Variants in ARHGAP44 observed in about 807,000 individuals in gnomAD.
ARHGAP44 encodes the protein Rho GTPase activating protein 44.
ARHGAP44 carries 43 observed loss-of-function variants against 106.8 expected under a neutral mutation model. The ratio of observed to expected loss-of-function variants is 0.40; its 90% CI spans 0.32 to 0.52. ARHGAP44 has a LOEUF of 0.52. Among genes scored for constraint, ARHGAP44 ranks in the 20% least tolerant of loss-of-function variants. ARHGAP44 has a pLI of 0.48. For missense variants in ARHGAP44, 866 were observed against 1,050.5 expected (o/e 0.82, Z 2.43); for synonymous variants, 439 against 410.3 (o/e 1.07, Z -0.85).
intron 1 of ARHGAP44, among the ~76,000 whole-genome samples, chr17:12,873,314 G>A (rs994348040): frequency 1.2e-4 from 19 of 152,162 alleles, no homozygotes; most frequent in African/African-American, 4.1e-4. Flanking sequence ...CAGCCTTCAA[G>A]GCTTGCCTAT....
At chr17:12,851,781 C>T (rs1037900922) in intron 1 of ARHGAP44, among the ~76,000 whole-genome samples, 1 of 152,094 alleles carries the variant, frequency 6.6e-6, no homozygotes, top group Non-Finnish European at 1.5e-5. Flanking sequence ...TGTCTCCACT[C>T]CCCTAACTGA....
intron 20 of ARHGAP44, chr17:12,988,830 A>G (rs2040022234): frequency 6.6e-6 from 1 of 151,396 alleles, no homozygotes; most frequent in Non-Finnish European, 1.5e-5. Flanking sequence ...TGTAATCCCA[A>G]AACTTTGGGA....
intron 1 of ARHGAP44, among the ~76,000 whole-genome samples, chr17:12,844,783 T>C (rs1049454698): frequency 8.5e-5 from 13 of 152,238 alleles, no homozygotes; most frequent in African/African-American, 3.1e-4. Flanking sequence ...TATTTATTTA[T>C]TTTTTGCCTG....
intron 5 of ARHGAP44, among the ~76,000 whole-genome samples, chr17:12,917,587 C>T (rs1598051224): frequency 1.3e-5 from 2 of 152,090 alleles, no homozygotes; most frequent in Admixed American, 1.3e-4. Flanking sequence ...AGCCTGCTGA[C>T]TCACACATTG....
intron 1 of ARHGAP44, among the ~76,000 whole-genome samples, chr17:12,860,912 A>G (rs563615074): frequency 1.5e-4 from 22 of 143,946 alleles, no homozygotes; most frequent in Non-Finnish European, 2.7e-4. Context: ...CTCTTGGTGC[A>G]GTGGTATGAT....
intron 7 of ARHGAP44, among the ~76,000 whole-genome samples, chr17:12,933,349 C>T (rs1181223026): frequency 6.6e-6 from 1 of 152,108 alleles, no homozygotes; most frequent in African/African-American, 2.4e-5. Context: ...GCAGAGCTCC[C>T]CAGATCTTTG....
rs112171980 is a variant in ARHGAP44 at position 12,789,567 on chromosome 17, G to A, written c.-272G>A. 139 of 239,682 alleles carry A rather than the reference G, an allele frequency of 5.8e-4. 4 individuals carry two copies. Among genetic ancestry groups the A allele is most frequent in the African/African-American group, 2.9e-3 (126 of 44,022 alleles). 14.8% of individuals were successfully genotyped at this position (239,682 alleles called of 1,614,324 possible). A position where few individuals can be genotyped will look rare whatever the true frequency, so the allele number is the denominator to read the frequency against. On this transcript the variant is annotated 5_prime_UTR_variant, in exon 1 of 21. Transcript: ENST00000379672. ...TGGGAGCAGGCAGCCCGGGCGGAGCGGGCCGGTGCCGAGGACGGCCCCAGG... is the reference window on the plus strand; with the variant it reads ...TGGGAGCAGGCAGCCCGGGCGGAGCAGGCCGGTGCCGAGGACGGCCCCAGG...
intron 1 of ARHGAP44, among the ~76,000 whole-genome samples, chr17:12,826,795 T>G (rs1227917579): frequency 6.6e-6 from 1 of 152,232 alleles, no homozygotes; most frequent in Non-Finnish European, 1.5e-5. Flanking sequence ...ATTTGTCCAT[T>G]TCTTACAACA....
rs114682650 is a variant in ARHGAP44, at chr17:12,862,517, G to A, written c.54-32423G>A. On this transcript the variant is annotated intron_variant, in intron 1 of 20. Coordinates refer to ENST00000379672, the MANE Select transcript of ARHGAP44 (RefSeq NM_014859.6). ...TGATGACCCACAGACAGAGTGTCAT[G>A]GTGGCACATTGTTCCAGTACTGGAA... Among the ~76,000 whole-genome samples, 774 of 152,252 alleles carry A rather than the reference G, an allele frequency of 5.1e-3. 8 individuals carry two copies. Among genetic ancestry groups the A allele is most frequent in the African/African-American group, 0.017 (721 of 41,534 alleles).
intron 16 of ARHGAP44, among the ~76,000 whole-genome samples, chr17:12,962,439 T>G (rs2039285708): frequency 6.6e-6 from 1 of 152,236 alleles, no homozygotes; most frequent in Non-Finnish European, 1.5e-5. Context: ...ACCTGGAAAC[T>G]ATCCATATTT....
intron 20 of ARHGAP44, 44 bp downstream of exon 20, chr17:12,984,952 G>T: frequency 6.4e-7 from 1 of 1,560,124 alleles, no homozygotes. Flanking sequence ...ATGAACTTTA[G>T]TGAAATGTGC....
intron 1 of ARHGAP44, among the ~76,000 whole-genome samples, chr17:12,836,282 A>C (rs1399635449): frequency 6.6e-6 from 1 of 152,226 alleles, no homozygotes; most frequent in Non-Finnish European, 1.5e-5. Flanking sequence ...TGCTCAATTC[A>C]AAAGAAAGGT....
intron 1 of ARHGAP44, among the ~76,000 whole-genome samples, chr17:12,814,990 T>G (rs2034555818): frequency 2.0e-5 from 3 of 152,120 alleles, no homozygotes; most frequent in Non-Finnish European, 4.4e-5. Flanking sequence ...TCTCCTCACC[T>G]TCTCCCACCC....
Position 12,990,236 on chromosome 17 carries a change from C to G in ARHGAP44, c.*65C>G, listed in dbSNP as rs529926828. On this transcript the variant is annotated 3_prime_UTR_variant, in exon 21 of 21. Transcript: ENST00000379672. ...CGGGCCCTAGGAACGCCGCCAGGAGCAGCGTCCATGAGCTTGCCAAGTGTT... is the reference window on the plus strand; with the variant it reads ...CGGGCCCTAGGAACGCCGCCAGGAGGAGCGTCCATGAGCTTGCCAAGTGTT... 1.8e-5 allele frequency: 28 copies of G among 1,553,916 alleles called. 1 individual carries two copies. The East Asian group carries it at 6.2e-4, about 34-fold the overall frequency.
At chr17:12,982,061 G>A (rs2039847294) in intron 19 of ARHGAP44, among the ~76,000 whole-genome samples, 1 of 152,100 alleles carries the variant, frequency 6.6e-6, no homozygotes, top group Admixed American at 6.5e-5. Context: ...ATACAGGGGT[G>A]ATGGCTAAGT....
chr17:12,974,597 C>A (rs1207116172), intron 18 of ARHGAP44, among the ~76,000 whole-genome samples: 1 of 152,092 alleles, frequency 6.6e-6, no homozygotes, highest in Non-Finnish European at 1.5e-5. Context: ...CTCTGTTTTC[C>A]CCTTCCTCTG....
chr17:12,856,201 C>T (rs181601532), intron 1 of ARHGAP44, among the ~76,000 whole-genome samples: 8 of 152,274 alleles, frequency 5.3e-5, no homozygotes. Context: ...ATTGAAGCCA[C>T]TGGCCCTTAC....
chr17:12,890,223 T>C (rs2047728764), intron 1 of ARHGAP44, among the ~76,000 whole-genome samples: 1 of 152,180 alleles, frequency 6.6e-6, no homozygotes, highest in Non-Finnish European at 1.5e-5. Context: ...GGTTCCACTC[T>C]TGTGACATGT....
chr17:12,908,885 C>T lies in ARHGAP44; in HGVS notation c.199-12C>T. 6.2e-7 allele frequency: 1 copy of T among 1,600,114 alleles called. No homozygotes were observed. The highest frequency in any genetic ancestry group is 8.5e-7 in the Non-Finnish European group (1 of 1,175,366). ...AAAGTAGCTTTCATTACAGCATTTGCTTTCTTTTCAGAAAAAGTTGCCTTT... is the reference window on the plus strand; with the variant it reads ...AAAGTAGCTTTCATTACAGCATTTGTTTTCTTTTCAGAAAAAGTTGCCTTT... On this transcript the variant is annotated splice_polypyrimidine_tract_variant and intron_variant, in intron 3 of 20. Coordinates refer to ENST00000379672, the MANE Select transcript of ARHGAP44 (RefSeq NM_014859.6).
Sources: allele counts gnomAD v4.1 joint callset (sites outside exome capture counted in the v4.1 genomes callset), GRCh38; gene constraint gnomAD v4.1.1; transcripts MANE v1.5; gene names NCBI Gene and HGNC (gene_info 2026-07-23, HGNC 2026-07-21).